Variants in MYO7B observed in about 807,000 individuals in gnomAD.
MYO7B encodes unconventional myosin-VIIb.
A neutral mutation model predicts 259.7 loss-of-function variants in MYO7B; 212 were observed. That is an observed-to-expected ratio of 0.82 (90% CI 0.73 to 0.91). The LOEUF (loss-of-function observed/expected upper bound fraction) is 0.91. Among genes scored for constraint, MYO7B ranks in the 40% least tolerant of loss-of-function variants. MYO7B has a pLI of 0.00. For synonymous variants in MYO7B, 1,197 were observed against 1,166.4 expected (o/e 1.03, Z -0.54); for missense variants, 2,732 against 2,813.5 (o/e 0.97, Z 0.66).
intron 1 of MYO7B, among the ~76,000 whole-genome samples, chr2:127,556,681 A>G (rs1490253066): frequency 6.6e-6 from 1 of 152,172 alleles, no homozygotes; most frequent in Non-Finnish European, 1.5e-5. Flanking sequence ...TTCTTGGCTG[A>G]TAATTGTTTT....
intron 31 of MYO7B, 46 bp downstream of exon 31, chr2:127,625,581 G>T: frequency 1.3e-6 from 2 of 1,513,886 alleles, no homozygotes. Context: ...GCTCTCCTTT[G>T]GGAGGTGGGG....
intron 44 of MYO7B, 65 bp downstream of exon 44, chr2:127,635,972 C>A: frequency 1.3e-6 from 2 of 1,496,472 alleles, no homozygotes; most frequent in Non-Finnish European, 1.8e-6. Flanking sequence ...TGCACCAGTG[C>A]CATGCCCTGC....
Position 127,597,345 on chromosome 2 carries a change from G to A in MYO7B, c.2339+789G>A, listed in dbSNP as rs1679808952. Among the ~76,000 whole-genome samples, 1 of 152,228 alleles carries A rather than the reference G, an allele frequency of 6.6e-6. No homozygotes were observed. ...ATGCAGTTGTAAGAAACAATACAGA[G>A]ATATTGCCATAATCTTCACCCATTT... On this transcript the variant is annotated intron_variant, in intron 19 of 47. Transcript: ENST00000409816. This position sits in a 1 kb window ranked among gnomAD's most constrained non-coding sequence, Gnocchi z 4.8.
chr2:127,634,373 AC>A, intron 41 of MYO7B, 84 bp downstream of exon 41: 1 of 1,096,766 alleles, frequency 9.1e-7, no homozygotes, highest in Non-Finnish European at 1.3e-6. Flanking sequence ...GCCTCAGCCT[AC>A]CAGGGGCACC....
Position 127,584,298 on chromosome 2 carries a change from T to A in MYO7B, c.1520T>A (p.Ile507Asn). 1 of 1,613,908 alleles carries A rather than the reference T, an allele frequency of 6.2e-7. No homozygotes were observed. Among genetic ancestry groups the A allele is most frequent in the South Asian group, 1.1e-5 (1 of 91,076 alleles). The change falls in exon 13 of 48, where the codon ATC becomes AAC. Residue 507 changes from isoleucine to asparagine, a missense_variant. Around this residue, in one of 3 missense-constraint regions of MYO7B, gnomAD observed 1,906 missense variants for 2,026.4 expected, o/e 0.94. Transcript: ENST00000409816. This position sits in a 1 kb window ranked among gnomAD's most constrained non-coding sequence, Gnocchi z 5.8. ...CTGGCCCTCAAGCCCATGAGCATCATCTCCCTCCTGGACGAAGAAAGCCGC... is the reference window on the plus strand; with the variant it reads ...CTGGCCCTCAAGCCCATGAGCATCAACTCCCTCCTGGACGAAGAAAGCCGC... Reference protein sequence around the residue: ...DLLALKPMSIISLLDEESRFP... With the variant: ...DLLALKPMSINSLLDEESRFP...
At chr2:127,573,127 A>G (rs1417246107) in intron 6 of MYO7B, among the ~76,000 whole-genome samples, 1 of 152,170 alleles carries the variant, frequency 6.6e-6, no homozygotes, top group African/African-American at 2.4e-5. Flanking sequence ...TACTTCCCCA[A>G]GGAACCCTTT....
intron 14 of MYO7B, among the ~76,000 whole-genome samples, chr2:127,587,400 C>T (rs1452549188): frequency 1.3e-5 from 2 of 152,122 alleles, no homozygotes; most frequent in Non-Finnish European, 2.9e-5. Flanking sequence ...AAATGATTGT[C>T]TCAGAGTTCT....
At chr2:127,582,799 G>A (rs556434793) in intron 12 of MYO7B, among the ~76,000 whole-genome samples, 1 of 152,354 alleles carries the variant, frequency 6.6e-6, no homozygotes, top group African/African-American at 2.4e-5. Flanking sequence ...TAGGTAGTGG[G>A]GGAAGCTAGA....
intron 38 of MYO7B, among the ~76,000 whole-genome samples, 178 bp downstream of exon 38, chr2:127,631,931 G>A (rs1681536141): frequency 1.3e-5 from 2 of 152,236 alleles, no homozygotes; most frequent in African/African-American, 4.8e-5. Context: ...TGTCCTAGGG[G>A]TGGTCAGAGC....
At chr2:127,635,505 A>G in intron 43 of MYO7B, 1 of 648,884 alleles carries the variant, frequency 1.5e-6, no homozygotes, top group Non-Finnish European at 2.6e-6. Context: ...TGCAGGGCCA[A>G]CCACATGGGT....
chr2:127,633,858 C>T (rs1346917824), intron 40 of MYO7B, among the ~76,000 whole-genome samples: 4 of 151,786 alleles, frequency 2.6e-5, no homozygotes, highest in Admixed American at 6.5e-5. Context: ...TGTCGCCTCG[C>T]GCCCTCTCCA....
At chr2:127,560,107 AC>A (rs1187822821) in intron 2 of MYO7B, among the ~76,000 whole-genome samples, 11 of 147,886 alleles carry the variant, frequency 7.4e-5, no homozygotes, top group African/African-American at 2.5e-4. Flanking sequence ...GCTCACGGTG[AC>A]CTCTGCCTCC....
In MYO7B at chr2:127,612,561, T is replaced by A; in HGVS notation, c.3356T>A (p.Val1119Glu). 6.2e-7 allele frequency: 1 copy of A among 1,604,186 alleles called. No homozygotes were observed. Among genetic ancestry groups the A allele is most frequent in the Non-Finnish European group, 8.5e-7 (1 of 1,175,756 alleles). The change falls in exon 26 of 48, where the codon GTG becomes GAG. Residue 1119 changes from valine (V) to glutamate (E), a missense_variant. Coordinates refer to ENST00000409816, the MANE Select transcript of MYO7B (RefSeq NM_001393586.1). ...CGGCCCATGTCCAACCTGGAGAAGG[T>A]GCACTTCATCGTGGGCTACGCCATC... is the stretch of plus-strand genomic sequence containing the variant. ...ADRPMSNLEK[V>E]HFIVGYAILR...
chr2:127,626,888 T>A, intron 31 of MYO7B, 87 bp from the exon 32 acceptor site: 1 of 1,228,548 alleles, frequency 8.1e-7, no homozygotes, highest in Non-Finnish European at 1.2e-6. Context: ...CTCAGAAGGA[T>A]CCATCAACTC....
At chr2:127,601,726 G>A (rs976360166) in intron 19 of MYO7B, among the ~76,000 whole-genome samples, 1 of 151,896 alleles carries the variant, frequency 6.6e-6, no homozygotes, top group Admixed American at 6.6e-5. Context: ...GTATGTAATC[G>A]GGTCATGTTT....
chr2:127,568,085 G>A (rs931537255), intron 5 of MYO7B, among the ~76,000 whole-genome samples: 4 of 152,192 alleles, frequency 2.6e-5, no homozygotes, highest in African/African-American at 9.7e-5. Context: ...TACAATCAGA[G>A]GGGCTGAGAT....
chr2:127,553,724 C>T (rs1482470493), intron 1 of MYO7B, among the ~76,000 whole-genome samples: 1 of 152,220 alleles, frequency 6.6e-6, no homozygotes, highest in Non-Finnish European at 1.5e-5. Flanking sequence ...TTGACTTCCT[C>T]TTTACCGATT....
chr2:127,589,382 C>G, intron 15 of MYO7B, among the ~76,000 whole-genome samples: 2 of 138,096 alleles, frequency 1.4e-5, no homozygotes, highest in Middle Eastern at 4.9e-3. Context: ...TGAATGGGTG[C>G]ATGGGTGGGT....
At chr2:127,635,504 A>G (rs1681750140) in intron 43 of MYO7B, 1 of 648,136 alleles carries the variant, frequency 1.5e-6, no homozygotes, top group Non-Finnish European at 2.6e-6. Context: ...CTGCAGGGCC[A>G]ACCACATGGG....
Sources: gnomAD v4.1 joint callset for allele counts (sites outside exome capture counted in the v4.1 genomes callset) on GRCh38, gnomAD v4.1.1 for gene constraint, gnomAD v4.1.1 regional missense constraint, Gnocchi (gnomAD v3.1) non-coding constraint, MANE v1.5 for transcripts, NCBI Gene and HGNC (gene_info 2026-07-23, HGNC 2026-07-21) for gene names.